NCOA3: variants seen among roughly 807,000 people sequenced by gnomAD.
The protein encoded by NCOA3 is CBP-interacting protein.
NCOA3 carries 51 observed loss-of-function variants against 158.8 expected under a neutral mutation model. The observed-to-expected ratio is 0.32, with a 90% CI of 0.26 to 0.41. The LOEUF is 0.41. NCOA3 is among the 10% of genes least tolerant of loss of function. The probability of loss-of-function intolerance (pLI) is 1.00; values close to 1 mark genes in which losing one functional copy is unlikely to be tolerated. For missense variants in NCOA3, 1,510 were observed against 1,746.6 expected, an observed-to-expected ratio of 0.86 and a Z score of 2.41; for synonymous variants, 537 against 592.4, an observed-to-expected ratio of 0.91 and a Z score of 1.36.
intron 1 of NCOA3, among the ~76,000 whole-genome samples, chr20:47,576,069 A>G (rs913331836): frequency 1.3e-5 from 2 of 152,216 alleles, no homozygotes; most frequent in Non-Finnish European, 2.9e-5. Context: ...CTACTGCCAA[A>G]TGGTTCACTC....
chr20:47,625,572 A>T lies in NCOA3; in HGVS notation c.357+91A>T, dbSNP rs867596862. 3 of 881,226 alleles carry T rather than the reference A, an allele frequency of 3.4e-6. No individual in the cohort carries two copies. The African/African-American group carries it at 5.2e-5, about 15-fold the overall frequency. The allele number at this position is 881,226 out of a possible 1,614,324, so 54.6% of individuals were successfully genotyped here. A position where few individuals can be genotyped will look rare whatever the true frequency, so the allele number is the denominator to read the frequency against. On this transcript the variant is annotated intron_variant, in intron 5 of 22. Coordinates refer to ENST00000371998, the MANE Select transcript of NCOA3 (RefSeq NM_181659.3). ...AAAATCGATGAAATTTTGGTTAGGA[A>T]ATGAGAACAAAAAGAAAACATTTTT... is the stretch of plus-strand genomic sequence containing the variant.
At chr20:47,575,713 C>A (rs971224881) in intron 1 of NCOA3, among the ~76,000 whole-genome samples, 17 of 152,230 alleles carry the variant, frequency 1.1e-4, no homozygotes, top group African/African-American at 4.1e-4. Flanking sequence ...ACAGGGTATT[C>A]TAAACGTAAA....
intron 1 of NCOA3, among the ~76,000 whole-genome samples, chr20:47,558,904 C>T (rs910964069): frequency 8.8e-5 from 13 of 147,128 alleles, no homozygotes; most frequent in African/African-American, 3.3e-4. Flanking sequence ...TGAAGTTATG[C>T]ACGACATCTG....
intron 17 of NCOA3, among the ~76,000 whole-genome samples, chr20:47,646,272 G>C (rs2086684477): frequency 6.6e-6 from 1 of 152,220 alleles, no homozygotes; most frequent in Non-Finnish European, 1.5e-5. Flanking sequence ...AATGATGACT[G>C]TGTGTATTCA....
chr20:47,586,855 A>G (rs1162956520), intron 2 of NCOA3, among the ~76,000 whole-genome samples: 1 of 152,130 alleles, frequency 6.6e-6, no homozygotes, highest in East Asian at 1.9e-4. Flanking sequence ...GCAATGTGAT[A>G]CTCTGAGATG....
At chr20:47,649,215 G>T (rs1602544866) in intron 19 of NCOA3, 106 bp downstream of exon 19, 1 of 570,798 alleles carries the variant, frequency 1.8e-6, no homozygotes, top group South Asian at 3.3e-5. Flanking sequence ...AGGTAATTCT[G>T]AATTTCTTGT....
At chr20:47,617,907 TAAG>T in intron 2 of NCOA3, among the ~76,000 whole-genome samples, 1 of 152,298 alleles carries the variant, frequency 6.6e-6, no homozygotes, top group African/African-American at 2.4e-5. Flanking sequence ...CATGTCTAAT[TAAG>T]AACTACAAAT....
chr20:47,580,052 A>G (rs935344807), intron 1 of NCOA3, among the ~76,000 whole-genome samples: 12 of 151,996 alleles, frequency 7.9e-5, no homozygotes, highest in Admixed American at 2.6e-4. Context: ...TTCTTTGTTC[A>G]TCTGGGCATG....
At chr20:47,517,489 C>T (rs1435481714) in intron 1 of NCOA3, among the ~76,000 whole-genome samples, 1 of 129,184 alleles carries the variant, frequency 7.7e-6, no homozygotes, top group East Asian at 2.2e-4. Flanking sequence ...CTTGCTCTGT[C>T]GCCCAGGCTG....
chr20:47,598,935 C>A (rs1451660885), intron 2 of NCOA3, among the ~76,000 whole-genome samples: 1 of 152,098 alleles, frequency 6.6e-6, no homozygotes, highest in Admixed American at 6.6e-5. Flanking sequence ...TTTACTGTAC[C>A]TTTTCTATGT....
chr20:47,622,181 TG>T, intron 2 of NCOA3, 47 bp from the exon 3 acceptor site: 2 of 983,062 alleles, frequency 2.0e-6, no homozygotes, highest in Non-Finnish European at 3.2e-6. Context: ...CATAGAGTCA[TG>T]TATATTTTTT....
chr20:47,534,263 CT>C (rs1183361465), intron 1 of NCOA3, among the ~76,000 whole-genome samples: 5 of 115,858 alleles, frequency 4.3e-5, no homozygotes, highest in South Asian at 5.6e-4. Flanking sequence ...ACTTGGGATT[CT>C]TTAAAAAAAA....
chr20:47,528,879 T>C lies in NCOA3; in HGVS notation c.-99+26860T>C, dbSNP rs1307971604. On this transcript the variant is annotated intron_variant, in intron 1 of 22. Transcript: ENST00000371998. Reference sequence around the variant, plus strand: ...ACCTCCGCTTCCTGGGTTCAAGCAATTCTTGTGCCTCAGCCTCCCAAGTAG... The same window carrying C: ...ACCTCCGCTTCCTGGGTTCAAGCAACTCTTGTGCCTCAGCCTCCCAAGTAG... 4.6e-5 allele frequency among the ~76,000 whole-genome samples: 7 copies of C among 152,264 alleles called. No individual in the cohort carries two copies. In the East Asian group the frequency reaches 9.6e-4, roughly 21 times the overall value.
intron 1 of NCOA3, among the ~76,000 whole-genome samples, chr20:47,528,577 A>G (rs1366784176): frequency 6.6e-6 from 1 of 152,166 alleles, no homozygotes; most frequent in African/African-American, 2.4e-5. Context: ...TTTTGCATCA[A>G]GTATATACAC....
intron 18 of NCOA3, among the ~76,000 whole-genome samples, chr20:47,648,463 A>G (rs2086727939): frequency 1.3e-5 from 2 of 151,728 alleles, no homozygotes; most frequent in Admixed American, 6.6e-5. Context: ...GTGTGTGTGT[A>G]TATATATATA....
chr20:47,567,444 C>A (rs183656328), intron 1 of NCOA3, among the ~76,000 whole-genome samples: 1 of 151,600 alleles, frequency 6.6e-6, no homozygotes, highest in Non-Finnish European at 1.5e-5. Flanking sequence ...TTGGCCCAGG[C>A]TAGAGTGCAG....
intron 2 of NCOA3, among the ~76,000 whole-genome samples, chr20:47,585,635 T>C (rs1442016022): frequency 2.0e-5 from 3 of 152,150 alleles, no homozygotes. Flanking sequence ...TTCATGAGGG[T>C]GTTTTTCCTT....
intron 1 of NCOA3, among the ~76,000 whole-genome samples, chr20:47,556,351 T>C (rs2085007306): frequency 6.6e-6 from 1 of 152,206 alleles, no homozygotes; most frequent in African/African-American, 2.4e-5. Context: ...GTTTTTAAAA[T>C]GTTTTGTGAC....
intron 2 of NCOA3, among the ~76,000 whole-genome samples, chr20:47,618,193 C>T (rs2146290422): frequency 6.6e-6 from 1 of 152,192 alleles, no homozygotes; most frequent in East Asian, 1.9e-4. Flanking sequence ...TGAGATCATG[C>T]CACTGCACTC....
Sources: gnomAD v4.1 joint callset for allele counts (sites outside exome capture counted in the v4.1 genomes callset) on GRCh38, gnomAD v4.1.1 for gene constraint, MANE v1.5 for transcripts, NCBI Gene and HGNC (gene_info 2026-07-23, HGNC 2026-07-21) for gene names.